Variants in RAB22A observed in about 807,000 individuals in gnomAD.
RAB22A encodes the protein ras-related protein Rab-22A.
In RAB22A, 13 loss-of-function variants were observed where a neutral mutation model predicts 30.2. That is an observed-to-expected ratio of 0.43 (90% CI 0.28 to 0.68). RAB22A has a LOEUF of 0.68. Among genes scored for constraint, RAB22A ranks in the 30% least tolerant of loss-of-function variants. The probability of loss-of-function intolerance (pLI) is 0.18; values close to 1 mark genes in which losing one functional copy is unlikely to be tolerated. For missense variants in RAB22A, 177 were observed against 246.8 expected, an observed-to-expected ratio of 0.72 and a Z score of 1.89; for synonymous variants, 89 against 87.2, an observed-to-expected ratio of 1.02 and a Z score of -0.11.
At chr20:58,359,334 G>A (rs1987184798) in intron 6 of RAB22A, among the ~76,000 whole-genome samples, 1 of 152,140 alleles carries the variant, frequency 6.6e-6, no homozygotes, top group African/African-American at 2.4e-5. Context: ...AAAGTCTGGA[G>A]TTAATAGTGA....
Position 58,361,784 on chromosome 20 carries a change from C to T in RAB22A, c.*2081C>T, listed in dbSNP as rs893524086. On this transcript the variant is annotated 3_prime_UTR_variant, in exon 7 of 7. Transcript: ENST00000244040. Reference sequence around the variant, plus strand: ...TGTCTTATTTTACCAAAAGATGGTGCAAATCTATGACCTTCACATTTTTTC... The same window carrying T: ...TGTCTTATTTTACCAAAAGATGGTGTAAATCTATGACCTTCACATTTTTTC... 1.1e-4 allele frequency: 17 copies of T among 151,918 alleles called. No individual in the cohort carries two copies. Among genetic ancestry groups the T allele is most frequent in the African/African-American group, 3.9e-4 (16 of 41,330 alleles). 9.4% of individuals were successfully genotyped at this position (151,918 alleles called of 1,614,324 possible).
chr20:58,317,686 G>A (rs1360570157), intron 2 of RAB22A, among the ~76,000 whole-genome samples: 7 of 150,874 alleles, frequency 4.6e-5, no homozygotes, highest in Non-Finnish European at 8.9e-5. Context: ...AGCCTCCCGA[G>A]TAGCTGGGAC....
chr20:58,324,222 TAG>T (rs1356210202), intron 2 of RAB22A, among the ~76,000 whole-genome samples: 2 of 152,288 alleles, frequency 1.3e-5, no homozygotes, highest in East Asian at 3.9e-4. Flanking sequence ...ATAGTCTGAT[TAG>T]AGAGTCAGTT....
intron 6 of RAB22A, among the ~76,000 whole-genome samples, chr20:58,355,797 C>T (rs146845433): frequency 3.9e-4 from 59 of 152,282 alleles, no homozygotes; most frequent in East Asian, 1.5e-3. Context: ...TACACTTCAG[C>T]TTAGGTGACA....
intron 2 of RAB22A, among the ~76,000 whole-genome samples, chr20:58,322,297 A>G (rs1278977817): frequency 1.3e-5 from 2 of 152,248 alleles, no homozygotes; most frequent in East Asian, 3.8e-4. Flanking sequence ...TCTTGTAGAT[A>G]GAATTATAGG....
intron 2 of RAB22A, among the ~76,000 whole-genome samples, chr20:58,328,263 TCA>T (rs755649270): frequency 2.0e-5 from 3 of 151,920 alleles, no homozygotes; most frequent in Non-Finnish European, 4.4e-5. Flanking sequence ...CTCACTGCAG[TCA>T]CAACCCCCCA....
In RAB22A at chr20:58,342,289, C is replaced by T. The variant is rs1227547104; in HGVS notation, c.117-1429C>T. ...GGTAAATTTTCAGTAAATAAATATC[C>T]AATAAGTAGTACCTATCAGTAAATA... On this transcript the variant is annotated intron_variant, in intron 2 of 6. Coordinates refer to ENST00000244040, the MANE Select transcript of RAB22A (RefSeq NM_020673.3). Among the ~76,000 whole-genome samples, 2 of 152,124 alleles carry T rather than the reference C, an allele frequency of 1.3e-5. 1 individual carries two copies. The highest frequency in any genetic ancestry group is 1.3e-4 in the Admixed American group (2 of 15,276).
chr20:58,320,301 A>G (rs1329520297), intron 2 of RAB22A, among the ~76,000 whole-genome samples: 6 of 152,150 alleles, frequency 3.9e-5, no homozygotes, highest in East Asian at 3.8e-4. Flanking sequence ...TCAGGCAACT[A>G]TTTCTTCTTG....
At chr20:58,320,171 AC>A (rs1986424977) in intron 2 of RAB22A, among the ~76,000 whole-genome samples, 2 of 152,126 alleles carry the variant, frequency 1.3e-5, no homozygotes, top group Non-Finnish European at 1.5e-5. Flanking sequence ...AATTGGTATT[AC>A]GTCTTCCTTA....
At chr20:58,315,384 C>T (rs866956326) in intron 2 of RAB22A, among the ~76,000 whole-genome samples, 3 of 152,204 alleles carry the variant, frequency 2.0e-5, no homozygotes, top group Non-Finnish European at 2.9e-5. Context: ...TGTTCCTCCT[C>T]CAGTCCTGCA....
chr20:58,347,453 G>A (rs1459592818), intron 3 of RAB22A, among the ~76,000 whole-genome samples: 3 of 152,162 alleles, frequency 2.0e-5, no homozygotes. Context: ...GAGGGGCCTA[G>A]GGAAAATTGA....
intron 3 of RAB22A, among the ~76,000 whole-genome samples, chr20:58,348,607 T>C (rs943096719): frequency 6.6e-6 from 1 of 152,178 alleles, no homozygotes; most frequent in African/African-American, 2.4e-5. Flanking sequence ...AATTTACACA[T>C]ATATTTTTGG....
intron 2 of RAB22A, among the ~76,000 whole-genome samples, chr20:58,328,641 G>A (rs758287972): frequency 6.6e-6 from 1 of 152,190 alleles, no homozygotes; most frequent in Non-Finnish European, 1.5e-5. Flanking sequence ...TGTTGTGGAT[G>A]CCCTCTTCAC....
At chr20:58,343,822 CTG>C in intron 3 of RAB22A, 23 bp downstream of exon 3, 2 of 1,555,262 alleles carry the variant, frequency 1.3e-6, no homozygotes, top group East Asian at 4.5e-5. Flanking sequence ...TTAATTTACT[CTG>C]TTTTTCTGAG....
chr20:58,343,577 A>G, intron 2 of RAB22A, 141 bp from the exon 3 acceptor site: 1 of 601,704 alleles, frequency 1.7e-6, no homozygotes, highest in East Asian at 2.8e-5. Flanking sequence ...CATCCCATAA[A>G]TACTCCAGAG....
At chr20:58,354,408 G>A (rs1987101422) in intron 6 of RAB22A, 143 bp downstream of exon 6, 1 of 575,428 alleles carries the variant, frequency 1.7e-6, no homozygotes, top group African/African-American at 1.9e-5. Flanking sequence ...GAAGGTAAGA[G>A]TAATGTCCAG....
chr20:58,347,253 A>G (rs1195237725), intron 3 of RAB22A, among the ~76,000 whole-genome samples: 1 of 152,180 alleles, frequency 6.6e-6, no homozygotes, highest in African/African-American at 2.4e-5. Flanking sequence ...TGTCTTTCTG[A>G]TGGTCCAGCT....
intron 5 of RAB22A, 37 bp from the exon 6 acceptor site, chr20:58,354,119 T>C (rs773147304): frequency 1.6e-5 from 24 of 1,475,322 alleles, no homozygotes; most frequent in Non-Finnish European, 2.0e-5. Flanking sequence ...AAGATCTTCA[T>C]GGGTAGAATT....
At position 58,361,810 on chromosome 20, in the gene RAB22A, C is replaced by T. The variant is rs1987231899; in HGVS notation, c.*2107C>T. 6.6e-6 allele frequency: 1 copy of T among 151,912 alleles called. No individual in the cohort carries two copies. Among genetic ancestry groups the T allele is most frequent in the African/African-American group, 2.4e-5 (1 of 41,350 alleles). 9.4% of individuals were successfully genotyped at this position (151,912 alleles called of 1,614,324 possible). A position where few individuals can be genotyped will look rare whatever the true frequency, so the allele number is the denominator to read the frequency against. ...AAATCTATGACCTTCACATTTTTTC[C>T]ACCACACCCACCAGTAGCTGTTGGT... On this transcript the variant is annotated 3_prime_UTR_variant, in exon 7 of 7. Transcript: ENST00000244040.
Sources: allele counts gnomAD v4.1 joint callset (sites outside exome capture counted in the v4.1 genomes callset), GRCh38; gene constraint gnomAD v4.1.1; transcripts MANE v1.5; gene names NCBI Gene and HGNC (gene_info 2026-07-23, HGNC 2026-07-21).